Variants in THSD7A observed in about 807,000 individuals in gnomAD.
THSD7A encodes the protein thrombospondin type-1 domain-containing protein 7A.
THSD7A carries 96 observed loss-of-function variants against 231.3 expected under a neutral mutation model. The ratio of observed to expected loss-of-function variants is 0.41; its 90% confidence interval spans 0.35 to 0.49. THSD7A has a LOEUF of 0.49. Ranked by LOEUF, THSD7A falls within the 20% of genes least tolerant of loss-of-function variation. The pLI, the probability that THSD7A is intolerant of heterozygous loss-of-function variation, is 0.05. For missense variants in THSD7A, 2,290 were observed against 2,070.2 expected (o/e 1.11, Z -2.06); for synonymous variants, 940 against 743.3 (o/e 1.26, Z -4.30).
intron 4 of THSD7A, among the ~76,000 whole-genome samples, chr7:11,549,730 G>T (rs111590084): frequency 0.022 from 3,359 of 152,110 alleles, 107 homozygotes; most frequent in African/African-American, 0.077. Context: ...TGAACAATGA[G>T]GACACAGGGA....
rs377036621 is a variant in THSD7A, at chr7:11,735,246, T to C, written c.190+96511A>G. 3.9e-5 allele frequency among the ~76,000 whole-genome samples: 6 copies of C among 151,998 alleles called. No individual in the cohort carries two copies. In the South Asian group the frequency reaches 8.3e-4, roughly 21 times the overall value. ...AGTTGGTGGTATTTTTGGTGTTCTATGGTGTTATAGTAATATAACATTTTA... is the reference window on the plus strand; with the variant it reads ...AGTTGGTGGTATTTTTGGTGTTCTACGGTGTTATAGTAATATAACATTTTA... On this transcript the variant is annotated intron_variant, in intron 1 of 27. Coordinates refer to ENST00000423059, the MANE Select transcript of THSD7A (RefSeq NM_015204.3).
At chr7:11,398,617 T>G (rs1340510378) in intron 23 of THSD7A, among the ~76,000 whole-genome samples, 1 of 152,106 alleles carries the variant, frequency 6.6e-6, no homozygotes, top group Non-Finnish European at 1.5e-5. Flanking sequence ...TTCACGTAAG[T>G]AGGAGTTGAA....
At chr7:11,721,851 A>G (rs1781364958) in intron 1 of THSD7A, among the ~76,000 whole-genome samples, 1 of 151,920 alleles carries the variant, frequency 6.6e-6, no homozygotes, top group African/African-American at 2.4e-5. Flanking sequence ...TCCAAAATCC[A>G]GCCCCACTTA....
Position 11,636,104 on chromosome 7 carries a change from G to A in THSD7A, c.1022+26C>T, listed in dbSNP as rs777995029. 3.2e-6 allele frequency: 5 copies of A among 1,573,860 alleles called. No homozygotes were observed. The South Asian group carries it at 5.9e-5, about 18-fold the overall frequency. On this transcript the variant is annotated intron_variant, in intron 2 of 27. Transcript: ENST00000423059. This position sits in a 1 kb window ranked among gnomAD's most constrained non-coding sequence, Gnocchi z 10.0. Reference sequence around the variant, plus strand: ...CATGATTCTTGACAGACAAGCCTGTGTAGTTAACAGTAATTAAAATGTTAC... The same window carrying A: ...CATGATTCTTGACAGACAAGCCTGTATAGTTAACAGTAATTAAAATGTTAC...
intron 13 of THSD7A, among the ~76,000 whole-genome samples, chr7:11,434,377 A>G (rs1784567283): frequency 6.6e-6 from 1 of 150,966 alleles, no homozygotes; most frequent in Admixed American, 6.7e-5. Context: ...AATAAATACA[A>G]AAGACTAGCA....
intron 1 of THSD7A, among the ~76,000 whole-genome samples, chr7:11,730,959 T>G (rs1203109640): frequency 6.6e-6 from 1 of 151,668 alleles, no homozygotes; most frequent in African/African-American, 2.4e-5. Flanking sequence ...TGCAGCTTCC[T>G]CAACATATAC....
At chr7:11,610,460 G>A (rs921276208) in intron 2 of THSD7A, among the ~76,000 whole-genome samples, 3 of 152,152 alleles carry the variant, frequency 2.0e-5, no homozygotes, top group African/African-American at 7.2e-5. Context: ...GTAATAAAAC[G>A]AGAGAAGCAG....
At chr7:11,531,384 T>C (rs886195725) in intron 6 of THSD7A, among the ~76,000 whole-genome samples, 2 of 152,170 alleles carry the variant, frequency 1.3e-5, no homozygotes, top group African/African-American at 4.8e-5. Flanking sequence ...CTTCAATAGA[T>C]TCCCATCTTA....
At chr7:11,550,366 G>A (rs982193369) in intron 4 of THSD7A, among the ~76,000 whole-genome samples, 1 of 152,066 alleles carries the variant, frequency 6.6e-6, no homozygotes, top group African/African-American at 2.4e-5. Context: ...AACATTCTAT[G>A]CTCTTGAATA....
intron 6 of THSD7A, among the ~76,000 whole-genome samples, chr7:11,490,805 C>T (rs187393115): frequency 2.0e-5 from 3 of 152,004 alleles, no homozygotes; most frequent in Non-Finnish European, 4.4e-5. Flanking sequence ...CACTAATGTG[C>T]CCTTGAGCAG....
chr7:11,634,859 TA>T lies in THSD7A; in HGVS notation c.1022+1270del, dbSNP rs1397370241. 6.6e-6 allele frequency among the ~76,000 whole-genome samples: 1 copy of T among 152,136 alleles called. No individual in the cohort carries two copies. Among genetic ancestry groups the T allele is most frequent in the Non-Finnish European group, 1.5e-5 (1 of 68,018 alleles). ...ACAGACCAATCAATTTTTGTTTATC[TA>T]ATTAAACTATATCCTTTTCCAAAAA... On this transcript the variant is annotated intron_variant, in intron 2 of 27. Transcript: ENST00000423059. The surrounding 1 kb of genome is among the most constrained non-coding windows in gnomAD (Gnocchi z 4.1).
chr7:11,376,536 A>G (rs1367625530), intron 27 of THSD7A, 34 bp downstream of exon 27: 3 of 1,475,972 alleles, frequency 2.0e-6, no homozygotes, highest in East Asian at 2.5e-5. Flanking sequence ...ACGATTAAGT[A>G]TCTCTTTGGA....
intron 1 of THSD7A, among the ~76,000 whole-genome samples, chr7:11,682,155 T>G (rs936837829): frequency 1.3e-5 from 2 of 152,046 alleles, no homozygotes; most frequent in South Asian, 2.1e-4. Context: ...CAAAAGTACA[T>G]GTAAGTACAT....
chr7:11,461,605 G>A (rs931398648), intron 10 of THSD7A, among the ~76,000 whole-genome samples: 4 of 152,186 alleles, frequency 2.6e-5, no homozygotes, highest in African/African-American at 9.6e-5. Context: ...GAGCCAGAAT[G>A]TGAGCATTTA....
chr7:11,542,276 G>C (rs776830009), intron 5 of THSD7A, among the ~76,000 whole-genome samples: 2 of 152,098 alleles, frequency 1.3e-5, no homozygotes, highest in Non-Finnish European at 2.9e-5. Context: ...ATGAGAGTGT[G>C]TAACAAAATT....
chr7:11,647,898 T>C (rs1470362615), intron 1 of THSD7A, among the ~76,000 whole-genome samples: 1 of 152,052 alleles, frequency 6.6e-6, no homozygotes, highest in African/African-American at 2.4e-5. Context: ...CCTGATACAA[T>C]GGCCAATCTG....
At chr7:11,415,839 GTT>G (rs1418935144) in intron 17 of THSD7A, among the ~76,000 whole-genome samples, 1 of 152,040 alleles carries the variant, frequency 6.6e-6, no homozygotes, top group East Asian at 1.9e-4. Flanking sequence ...TACTCATTTT[GTT>G]TGTCACAAAA....
At position 11,411,611 on chromosome 7, in the gene THSD7A, A is replaced by T. The variant is rs1015684750; in HGVS notation, c.3683-289T>A. 2.0e-5 allele frequency among the ~76,000 whole-genome samples: 3 copies of T among 152,220 alleles called. No individual in the cohort carries two copies. The East Asian group carries it at 5.8e-4, about 29-fold the overall frequency. On this transcript the variant is annotated intron_variant, in intron 18 of 27. Transcript: ENST00000423059. The surrounding 1 kb of genome is among the most constrained non-coding windows in gnomAD (Gnocchi z 4.1). ...CTGTGAAAATGGCTTTGGCTTACAG[A>T]TCAATGTCACTTAAAAACTTTCTTT...
At chr7:11,650,967 C>G (rs746013047) in intron 1 of THSD7A, among the ~76,000 whole-genome samples, 12 of 151,866 alleles carry the variant, frequency 7.9e-5, no homozygotes, top group African/African-American at 1.2e-4. Context: ...ATAGTGAGGG[C>G]CTACAATGTG....
Sources: gnomAD v4.1 joint callset for allele counts (sites outside exome capture counted in the v4.1 genomes callset) on GRCh38, gnomAD v4.1.1 for gene constraint, Gnocchi (gnomAD v3.1) non-coding constraint, MANE v1.5 for transcripts, NCBI Gene and HGNC (gene_info 2026-07-23, HGNC 2026-07-21) for gene names.